Variants in MACROD2 observed in about 807,000 individuals in gnomAD.
MACROD2 encodes ADP-ribose glycohydrolase MACROD2.
A neutral mutation model predicts 70.4 loss-of-function variants in MACROD2; 36 were observed. The observed-to-expected ratio is 0.51, with a 90% CI of 0.39 to 0.68. The LOEUF is 0.68. Among genes scored for constraint, MACROD2 ranks in the 30% least tolerant of loss-of-function variants. The pLI is 0.00. For missense variants in MACROD2, 496 were observed against 538.4 expected (o/e 0.92, Z 0.78); for synonymous variants, 172 against 178.8 (o/e 0.96, Z 0.30).
chr20:15,982,876 G>A lies in MACROD2; in HGVS notation c.986-3851G>A, dbSNP rs150428910. Among the ~76,000 whole-genome samples the A allele has an allele frequency of 6.6e-3, 1,005 of 151,584 alleles. 16 individuals carry two copies. Among genetic ancestry groups the A allele is most frequent in the African/African-American group, 0.023 (938 of 41,052 alleles). On this transcript the variant is annotated intron_variant, in intron 13 of 17. Coordinates refer to ENST00000684519, the MANE Select transcript of MACROD2 (RefSeq NM_001351661.2). The stretch of plus-strand genomic sequence containing the variant: ...ATCTGCTTCTTGTGCTAACAGGGCC[G>A]TTGCTACCAGGGCGCTTGGACGTGG...
At chr20:15,852,493 G>A (rs1242429494) in intron 8 of MACROD2, among the ~76,000 whole-genome samples, 1 of 152,236 alleles carries the variant, frequency 6.6e-6, no homozygotes, top group Non-Finnish European at 1.5e-5. Context: ...AACATGGGGA[G>A]AAAAATTTTC....
At chr20:14,004,815 T>C (rs1200491283) in intron 2 of MACROD2, among the ~76,000 whole-genome samples, 1 of 152,186 alleles carries the variant, frequency 6.6e-6, no homozygotes, top group Non-Finnish European at 1.5e-5. Context: ...AAGAATTCTA[T>C]AATTCCTTGT....
intron 3 of MACROD2, among the ~76,000 whole-genome samples, chr20:14,466,774 T>C (rs1488595270): frequency 6.6e-6 from 1 of 152,084 alleles, no homozygotes; most frequent in Non-Finnish European, 1.5e-5. Context: ...CAGCTGCAGG[T>C]CTGTTGGAGT....
chr20:14,311,096 G>A (rs753785526), intron 3 of MACROD2, among the ~76,000 whole-genome samples: 1 of 152,122 alleles, frequency 6.6e-6, no homozygotes, highest in Non-Finnish European at 1.5e-5. Context: ...AGTGTACAGT[G>A]TTTATACAGT....
intron 2 of MACROD2, among the ~76,000 whole-genome samples, chr20:14,061,211 A>G (rs1020741093): frequency 7.9e-5 from 12 of 152,182 alleles, no homozygotes; most frequent in Non-Finnish European, 1.5e-4. Flanking sequence ...ATCTTCTATT[A>G]ATAGACTATT....
intron 3 of MACROD2, among the ~76,000 whole-genome samples, chr20:14,251,958 G>A (rs559751572): frequency 6.4e-4 from 98 of 152,094 alleles, no homozygotes; most frequent in African/African-American, 2.3e-3. Context: ...TAAATCTACA[G>A]TACTCACTTT....
chr20:16,009,911 A>T (rs2066840176), intron 15 of MACROD2, among the ~76,000 whole-genome samples: 1 of 152,204 alleles, frequency 6.6e-6, no homozygotes. Context: ...TGGACTAAGG[A>T]AAAACAGAAA....
chr20:14,295,344 C>G (rs1163078117), intron 3 of MACROD2, among the ~76,000 whole-genome samples: 1 of 151,864 alleles, frequency 6.6e-6, no homozygotes, highest in Non-Finnish European at 1.5e-5. Flanking sequence ...AGATAGCAGA[C>G]AACAGGCAAT....
chr20:15,064,078 C>T (rs1452665988), intron 5 of MACROD2, among the ~76,000 whole-genome samples: 1 of 152,142 alleles, frequency 6.6e-6, no homozygotes, highest in Non-Finnish European at 1.5e-5. Flanking sequence ...CACAGTCTCT[C>T]GCACCAGTGA....
At chr20:14,954,585 A>AATTATATATAATAATTATATATTT (rs1342031456) in intron 5 of MACROD2, among the ~76,000 whole-genome samples, 1 of 135,884 alleles carries the variant, frequency 7.4e-6, no homozygotes. Flanking sequence ...ATAAATTATA[A>AATTATATATAATAATTATATATTT]ATTATATATA....
At chr20:15,010,137 A>G (rs2075071035) in intron 5 of MACROD2, among the ~76,000 whole-genome samples, 1 of 152,204 alleles carries the variant, frequency 6.6e-6, no homozygotes, top group South Asian at 2.1e-4. Context: ...AAGCAAAGGT[A>G]AAAAGAAGAA....
chr20:15,753,361 T>C (rs1202452874), intron 8 of MACROD2, among the ~76,000 whole-genome samples: 2 of 152,192 alleles, frequency 1.3e-5, no homozygotes, highest in African/African-American at 2.4e-5. Context: ...AGTGAGAACA[T>C]GGAGTATTAG....
At chr20:15,072,898 A>G (rs1258685453) in intron 5 of MACROD2, among the ~76,000 whole-genome samples, 1 of 152,132 alleles carries the variant, frequency 6.6e-6, no homozygotes, top group Non-Finnish European at 1.5e-5. Context: ...GGGGCCTAAT[A>G]AAAGGTGTTT....
At position 14,648,749 on chromosome 20, in the gene MACROD2, C is replaced by G. The variant is rs533380184; in HGVS notation, c.302-36094C>G. On this transcript the variant is annotated intron_variant, in intron 4 of 17. Transcript: ENST00000684519. ...TATTTAAGAGTATACTATGAATATT[C>G]AGTTGGGTCTTATTAAAGATCTAAC... Among the ~76,000 whole-genome samples, 123 of 152,146 alleles carry G rather than the reference C, an allele frequency of 8.1e-4. 1 individual carries two copies. The highest frequency in any genetic ancestry group is 1.6e-3 in the Non-Finnish European group (106 of 68,004).
chr20:14,818,147 G>A (rs2072794559), intron 5 of MACROD2, among the ~76,000 whole-genome samples: 1 of 152,078 alleles, frequency 6.6e-6, no homozygotes, highest in Non-Finnish European at 1.5e-5. Flanking sequence ...GATATCCCCT[G>A]CTGGGGCCAC....
At chr20:14,519,756 ACATGCATATG>A (rs2085143549) in intron 4 of MACROD2, among the ~76,000 whole-genome samples, 1 of 152,236 alleles carries the variant, frequency 6.6e-6, no homozygotes, top group African/African-American at 2.4e-5. Flanking sequence ...ACATAAAGAC[ACATGCATATG>A]TATGTTAATC....
intron 4 of MACROD2, among the ~76,000 whole-genome samples, chr20:14,568,994 A>G (rs1568675469): frequency 6.6e-6 from 1 of 151,974 alleles, no homozygotes; most frequent in African/African-American, 2.4e-5. Context: ...AACTCAATCT[A>G]TCTTTGAAGT....
At chr20:14,256,694 T>A (rs563333522) in intron 3 of MACROD2, among the ~76,000 whole-genome samples, 1 of 152,274 alleles carries the variant, frequency 6.6e-6, no homozygotes, top group South Asian at 2.1e-4. Flanking sequence ...TTGTGTCTAG[T>A]CTTTCCTATT....
intron 8 of MACROD2, among the ~76,000 whole-genome samples, chr20:15,580,387 A>G (rs892341722): frequency 2.6e-5 from 4 of 152,020 alleles, no homozygotes; most frequent in African/African-American, 9.7e-5. Context: ...TCTCCCTGGG[A>G]TCATCTGTGT....
Sources: allele counts gnomAD v4.1 joint callset (sites outside exome capture counted in the v4.1 genomes callset), GRCh38; gene constraint gnomAD v4.1.1; transcripts MANE v1.5; gene names NCBI Gene and HGNC (gene_info 2026-07-23, HGNC 2026-07-21).